Variants in CDH13 observed in about 807,000 individuals in gnomAD.
The protein encoded by CDH13 is cadherin 13, also known as cadherin-13.
In CDH13, 24 loss-of-function variants were observed where a neutral mutation model predicts 63.8. The ratio of observed to expected loss-of-function variants is 0.38; its 90% CI spans 0.27 to 0.53. The LOEUF is 0.53. CDH13 is among the 20% of genes least tolerant of loss of function. The pLI is 0.85. For missense variants in CDH13, 1,049 were observed against 903.1 expected (o/e 1.16, Z -2.07); for synonymous variants, 503 against 355.3 (o/e 1.42, Z -4.67).
intron 4 of CDH13, among the ~76,000 whole-genome samples, chr16:83,206,310 C>G (rs1029744329): frequency 4.6e-5 from 7 of 152,236 alleles, no homozygotes; most frequent in African/African-American, 1.7e-4. Flanking sequence ...CCATCTCATG[C>G]TATCTTCATC....
chr16:83,344,580 TTA>T (rs2090797298), intron 5 of CDH13, among the ~76,000 whole-genome samples: 1 of 152,220 alleles, frequency 6.6e-6, no homozygotes, highest in Non-Finnish European at 1.5e-5. Context: ...CTATGACTGT[TTA>T]TGTTTTGAGT....
chr16:82,924,839 C>T (rs888531506), intron 2 of CDH13, among the ~76,000 whole-genome samples: 1 of 152,108 alleles, frequency 6.6e-6, no homozygotes, highest in Admixed American at 6.5e-5. Context: ...CACAAACTTT[C>T]TCAGATGTTC....
intron 5 of CDH13, among the ~76,000 whole-genome samples, chr16:83,231,669 G>C (rs934009614): frequency 6.6e-6 from 1 of 152,206 alleles, no homozygotes; most frequent in African/African-American, 2.4e-5. Context: ...TGCAGCTGCA[G>C]AGTTGAATAG....
chr16:83,570,129 A>G (rs1391192047), intron 7 of CDH13, among the ~76,000 whole-genome samples: 1 of 152,176 alleles, frequency 6.6e-6, no homozygotes, highest in Non-Finnish European at 1.5e-5. Context: ...CAAAACAGGA[A>G]GAAGCTCTAT....
At chr16:82,775,424 T>C (rs4783269) in intron 1 of CDH13, among the ~76,000 whole-genome samples, 1 of 151,994 alleles carries the variant, frequency 6.6e-6, no homozygotes, top group Non-Finnish European at 1.5e-5. Flanking sequence ...TACTTTTCTC[T>C]TACGTAAAAT....
chr16:82,860,388 T>G (rs74029267), intron 2 of CDH13, among the ~76,000 whole-genome samples: 11,361 of 59,320 alleles, frequency 0.19, 1,260 homozygotes, highest in Non-Finnish European at 0.23. Context: ...TGTGTGTGTG[T>G]GGGGGGGGGG....
At chr16:83,739,920 T>A (rs1597155185) in intron 10 of CDH13, 1 of 152,272 alleles carries the variant, frequency 6.6e-6, no homozygotes, top group East Asian at 1.9e-4. Context: ...GAGCTCACAT[T>A]CTAAGTTGTA....
rs755336374 is a variant in CDH13 at position 83,154,563 on chromosome 16, C to CAA, written c.483+29078_483+29079dup. ...ACCTGGCGACAGAGAGACTCCATCT[C>CAA]AAAAAAAAAAAAAAAAATTGTATCT... On this transcript the variant is annotated intron_variant, in intron 4 of 13. Coordinates refer to ENST00000567109, the MANE Select transcript of CDH13 (RefSeq NM_001257.5). Among the ~76,000 whole-genome samples the CAA allele has an allele frequency of 1.2e-3, 118 of 98,552 alleles. 1 individual carries two copies. Among genetic ancestry groups the CAA allele is most frequent in the African/African-American group, 3.6e-3 (106 of 29,324 alleles). 64.7% of individuals were successfully genotyped at this position (98,552 alleles called of 152,430 possible).
chr16:83,477,594 A>G (rs2073639827), intron 6 of CDH13, among the ~76,000 whole-genome samples: 1 of 152,098 alleles, frequency 6.6e-6, no homozygotes, highest in African/African-American at 2.4e-5. Context: ...TCATTCTCGG[A>G]CAGATGATGA....
chr16:82,824,378 G>T (rs1291447493), intron 1 of CDH13: 1 of 152,038 alleles, frequency 6.6e-6, no homozygotes, highest in Admixed American at 6.5e-5. Context: ...TTAACTAGTG[G>T]ATGAAGAGAG....
At chr16:83,298,749 C>T (rs925514761) in intron 5 of CDH13, among the ~76,000 whole-genome samples, 10 of 152,120 alleles carry the variant, frequency 6.6e-5, no homozygotes, top group African/African-American at 1.7e-4. Flanking sequence ...GAGTAAAAGC[C>T]CTCAGTATGC....
At chr16:83,562,264 A>T (rs565811566) in intron 7 of CDH13, among the ~76,000 whole-genome samples, 45 of 152,326 alleles carry the variant, frequency 3.0e-4, no homozygotes, top group African/African-American at 1.1e-3. Context: ...TTAGTGCATC[A>T]GGATCCTTGT....
chr16:82,976,140 T>G (rs997919028), intron 2 of CDH13, among the ~76,000 whole-genome samples: 4 of 152,004 alleles, frequency 2.6e-5, no homozygotes, highest in African/African-American at 9.6e-5. Flanking sequence ...TTGTGGAGAG[T>G]TAAAAAGGAG....
chr16:82,660,952 T>A (rs1911871698), intron 1 of CDH13, among the ~76,000 whole-genome samples: 1 of 152,120 alleles, frequency 6.6e-6, no homozygotes, highest in Non-Finnish European at 1.5e-5. Flanking sequence ...AAAAAACTAT[T>A]AAGTTCATTG....
At chr16:82,940,115 C>A (rs536813451) in intron 2 of CDH13, among the ~76,000 whole-genome samples, 1 of 152,274 alleles carries the variant, frequency 6.6e-6, no homozygotes, top group East Asian at 1.9e-4. Context: ...AATTATTTCC[C>A]ACCAGGTCCC....
At chr16:83,539,488 G>C (rs1328101177) in intron 7 of CDH13, among the ~76,000 whole-genome samples, 1 of 152,180 alleles carries the variant, frequency 6.6e-6, no homozygotes, top group African/African-American at 2.4e-5. Context: ...AGAAATGCTA[G>C]TCCACATGAA....
At chr16:83,408,940 G>A (rs893692708) in intron 6 of CDH13, among the ~76,000 whole-genome samples, 1 of 152,190 alleles carries the variant, frequency 6.6e-6, no homozygotes, top group African/African-American at 2.4e-5. Flanking sequence ...CCTTGGTCCA[G>A]GTGTTTCTGC....
At chr16:83,050,167 C>A (rs1179838509) in intron 3 of CDH13, among the ~76,000 whole-genome samples, 3 of 152,136 alleles carry the variant, frequency 2.0e-5, no homozygotes, top group African/African-American at 7.2e-5. Context: ...TTGACCACAG[C>A]AGCCAGACCC....
chr16:82,684,948 T>C (rs561306075), intron 1 of CDH13, among the ~76,000 whole-genome samples: 13 of 149,006 alleles, frequency 8.7e-5, no homozygotes, highest in African/African-American at 9.8e-5. Context: ...AATGAGTAAA[T>C]TCACCTATTT....
Sources: allele counts gnomAD v4.1 joint callset (sites outside exome capture counted in the v4.1 genomes callset), GRCh38; gene constraint gnomAD v4.1.1; transcripts MANE v1.5; gene names NCBI Gene and HGNC (gene_info 2026-07-23, HGNC 2026-07-21).